The following PPP1R42 variants were observed in gnomAD, a reference collection of about 807,000 sequenced individuals.
The protein encoded by PPP1R42 is protein phosphatase 1 regulatory subunit 42.
In PPP1R42, 34 loss-of-function variants were observed where a neutral mutation model predicts 31.0. The ratio of observed to expected loss-of-function variants is 1.10; its 90% CI spans 0.83 to 1.46. PPP1R42 has a LOEUF of 1.46. Ranked by LOEUF, PPP1R42 falls within the 40% of genes most tolerant of loss-of-function variation. The pLI is 0.00. For synonymous variants in PPP1R42, 103 were observed against 109.8 expected, an observed-to-expected ratio of 0.94 and a Z score of 0.39; for missense variants, 268 against 303.0, an observed-to-expected ratio of 0.88 and a Z score of 0.86.
chr8:67,020,294 C>G (rs1816174065), intron 1 of PPP1R42, among the ~76,000 whole-genome samples: 1 of 152,112 alleles, frequency 6.6e-6, no homozygotes, highest in African/African-American at 2.4e-5. Flanking sequence ...CCTCCGCCTC[C>G]TGGGTTCAAG....
intron 1 of PPP1R42, chr8:67,021,222 ATAAAT>A (rs1265151727): frequency 6.6e-6 from 1 of 152,228 alleles, no homozygotes; most frequent in Non-Finnish European, 1.5e-5. Flanking sequence ...TCAGTAGACT[ATAAAT>A]TAAATTTGTA....
At chr8:66,987,192 C>T (rs887160420) in intron 6 of PPP1R42, among the ~76,000 whole-genome samples, 39 of 151,754 alleles carry the variant, frequency 2.6e-4, no homozygotes, top group Admixed American at 2.0e-4. Flanking sequence ...ATTGTAATCT[C>T]TTCTTCCTCA....
At chr8:67,024,375 G>A (rs1816324412) in intron 1 of PPP1R42, among the ~76,000 whole-genome samples, 1 of 152,058 alleles carries the variant, frequency 6.6e-6, no homozygotes, top group South Asian at 2.1e-4. Context: ...GTACAGTGGT[G>A]CAATCTCGGC....
rs777698270 is a variant in PPP1R42 at position 67,017,652 on chromosome 8, A to G, written c.96T>C (p.His32=). The change falls in exon 2 of 8, where the codon CAT becomes CAC. Residue 32 remains histidine, a synonymous_variant. Transcript: ENST00000685739. ...TISQCLKKIT[H]INFSDKNIDA... Reference sequence around the variant, plus strand: ...CTATATTTTTGTCTGAAAAATTTATATGAGTTATTTTCTTCAGGCACTGTG... The same window carrying G: ...CTATATTTTTGTCTGAAAAATTTATGTGAGTTATTTTCTTCAGGCACTGTG... 1.1e-5 allele frequency: 18 copies of G among 1,572,728 alleles called. No individual in the cohort carries two copies. The highest frequency in any genetic ancestry group is 1.5e-5 in the Non-Finnish European group (17 of 1,160,752).
intron 5 of PPP1R42, among the ~76,000 whole-genome samples, 196 bp from the exon 6 acceptor site, chr8:66,988,713 CA>C (rs900995931): frequency 2.0e-5 from 3 of 151,436 alleles, no homozygotes; most frequent in African/African-American, 7.3e-5. Flanking sequence ...GAAGATGAGG[CA>C]AAAAAAAGAG....
chr8:66,984,508 T>C (rs1814942812), intron 6 of PPP1R42: 7 of 1,240,934 alleles, frequency 5.6e-6, no homozygotes, highest in Non-Finnish European at 7.1e-6. Context: ...GGCCTCAATC[T>C]TGAACTTCTT....
At chr8:67,018,893 A>C (rs1315186657) in intron 1 of PPP1R42, among the ~76,000 whole-genome samples, 1 of 123,672 alleles carries the variant, frequency 8.1e-6, no homozygotes, top group African/African-American at 3.1e-5. Context: ...GCAGTGGCGC[A>C]ATCTCGGCTC....
intron 7 of PPP1R42, among the ~76,000 whole-genome samples, chr8:66,977,425 G>T (rs1814710064): frequency 6.6e-6 from 1 of 150,986 alleles, no homozygotes; most frequent in Non-Finnish European, 1.5e-5. Flanking sequence ...GCAGCTTCAA[G>T]CTCCTGGGCT....
At chr8:67,000,166 T>C (rs997763990) in intron 5 of PPP1R42, among the ~76,000 whole-genome samples, 3 of 152,136 alleles carry the variant, frequency 2.0e-5, no homozygotes, top group Admixed American at 2.0e-4. Context: ...TTGAATTTAA[T>C]TTACATGTAT....
At chr8:66,992,917 AG>A (rs1815232768) in intron 5 of PPP1R42, among the ~76,000 whole-genome samples, 1 of 152,196 alleles carries the variant, frequency 6.6e-6, no homozygotes, top group Non-Finnish European at 1.5e-5. Context: ...TAGTAGTTTC[AG>A]TGACCACTTA....
chr8:66,980,584 T>G (rs1814797422), intron 7 of PPP1R42, among the ~76,000 whole-genome samples: 1 of 152,132 alleles, frequency 6.6e-6, no homozygotes, highest in African/African-American at 2.4e-5. Context: ...TCCATGCCTC[T>G]CCACCCGTGC....
chr8:66,965,971 G>T (rs1814371450), intron 7 of PPP1R42, among the ~76,000 whole-genome samples: 1 of 152,240 alleles, frequency 6.6e-6, no homozygotes, highest in Middle Eastern at 3.4e-3. Context: ...ACTGTCCAAA[G>T]TGTCTGTACT....
At chr8:66,993,486 C>T (rs1000575796) in intron 5 of PPP1R42, among the ~76,000 whole-genome samples, 2 of 152,210 alleles carry the variant, frequency 1.3e-5, no homozygotes, top group African/African-American at 4.8e-5. Flanking sequence ...TCATATTTGC[C>T]ATGCTCCAAC....
At chr8:66,995,421 A>G (rs1277218992) in intron 5 of PPP1R42, among the ~76,000 whole-genome samples, 1 of 152,186 alleles carries the variant, frequency 6.6e-6, no homozygotes, top group Non-Finnish European at 1.5e-5. Flanking sequence ...TACTCCTTGG[A>G]TATCTTCACT....
At chr8:66,995,146 A>C (rs1465052400) in intron 5 of PPP1R42, among the ~76,000 whole-genome samples, 5 of 152,240 alleles carry the variant, frequency 3.3e-5, no homozygotes, top group Non-Finnish European at 7.3e-5. Context: ...AATGTCAGTG[A>C]ACAAAAAGAA....
chr8:66,966,071 A>T (rs1025080470), intron 7 of PPP1R42, among the ~76,000 whole-genome samples: 3 of 152,094 alleles, frequency 2.0e-5, no homozygotes, highest in Non-Finnish European at 4.4e-5. Context: ...CTTTTTATCC[A>T]TTCTAGTACA....
rs1285633552 is a variant in PPP1R42, at chr8:66,968,594, CTGAG to C, written c.803-4264_803-4261del. 1.1e-5 allele frequency: 6 copies of C among 541,572 alleles called. No homozygotes were observed. The African/African-American group carries it at 1.2e-4, about 11-fold the overall frequency. 33.5% of individuals were successfully genotyped at this position (541,572 alleles called of 1,614,324 possible). ...TAAAAATCTGTTCTTTGTGTTTAGG[CTGAG>C]TATTTTGTTTTTAACACTTTACTGA... On this transcript the variant is annotated intron_variant, in intron 7 of 7. Coordinates refer to ENST00000685739, the MANE Select transcript of PPP1R42 (RefSeq NM_001364910.1).
At chr8:67,008,782 G>C (rs969891990) in intron 5 of PPP1R42, among the ~76,000 whole-genome samples, 6 of 151,954 alleles carry the variant, frequency 3.9e-5, no homozygotes. Context: ...ATTTATTTTG[G>C]CTGCACATTT....
At chr8:66,984,216 T>TC in intron 6 of PPP1R42, 1 of 1,533,086 alleles carries the variant, frequency 6.5e-7, no homozygotes, top group African/African-American at 1.4e-5. Context: ...GCTCATGAGC[T>TC]ATGTTCTCTA....
Sources: gnomAD v4.1 joint callset for allele counts (sites outside exome capture counted in the v4.1 genomes callset) on GRCh38, gnomAD v4.1.1 for gene constraint, MANE v1.5 for transcripts, NCBI Gene and HGNC (gene_info 2026-07-23, HGNC 2026-07-21) for gene names.